Variants in ETV1 observed in about 807,000 individuals in gnomAD.
ETV1 encodes the protein ETS variant transcription factor 1.
ETV1 carries 27 observed loss-of-function variants against 62.3 expected under a neutral mutation model. The observed-to-expected ratio is 0.43, with a 90% CI of 0.32 to 0.60. The LOEUF (loss-of-function observed/expected upper bound fraction) is 0.60, where lower values mean the gene tolerates loss of function less well. Among genes scored for constraint, ETV1 ranks in the 20% least tolerant of loss-of-function variants. The pLI is 0.06. For missense variants in ETV1, 605 were observed against 605.8 expected (o/e 1.00, Z 0.01); for synonymous variants, 222 against 199.6 (o/e 1.11, Z -0.94).
intron 5 of ETV1, among the ~76,000 whole-genome samples, chr7:13,983,202 C>A (rs76891774): frequency 5.3e-5 from 8 of 151,904 alleles, no homozygotes; most frequent in Non-Finnish European, 1.2e-4. Flanking sequence ...TGAAAGTGAA[C>A]CTGAAAGAAC....
intron 7 of ETV1, among the ~76,000 whole-genome samples, chr7:13,936,393 A>G (rs1253690341): frequency 6.6e-6 from 1 of 152,190 alleles, no homozygotes; most frequent in Non-Finnish European, 1.5e-5. Flanking sequence ...CAATGCTTTT[A>G]CTTTATTTTC....
chr7:13,896,387 G>A (rs955533383), intron 13 of ETV1, among the ~76,000 whole-genome samples: 12 of 152,014 alleles, frequency 7.9e-5, no homozygotes, highest in South Asian at 2.1e-4. Context: ...AACTTACATC[G>A]TTGTTTTGAA....
intron 9 of ETV1, among the ~76,000 whole-genome samples, chr7:13,922,086 A>G (rs1562619194): frequency 6.6e-6 from 1 of 152,182 alleles, no homozygotes; most frequent in Non-Finnish European, 1.5e-5. Flanking sequence ...TATAATTATT[A>G]GGGGCTGGAT....
intron 6 of ETV1, among the ~76,000 whole-genome samples, chr7:13,953,510 T>C (rs759142676): frequency 6.6e-6 from 1 of 152,114 alleles, no homozygotes; most frequent in Admixed American, 6.5e-5. Context: ...CGTAGCTGAG[T>C]AGGAGCTGGA....
intron 12 of ETV1, among the ~76,000 whole-genome samples, chr7:13,902,296 A>G (rs990726132): frequency 6.6e-6 from 1 of 151,762 alleles, no homozygotes; most frequent in Admixed American, 6.6e-5. Context: ...AGAAATACCG[A>G]TCCTAGCTAT....
intron 6 of ETV1, among the ~76,000 whole-genome samples, chr7:13,941,016 A>AGTGT (rs143662053): frequency 6.6e-6 from 1 of 152,014 alleles, no homozygotes; most frequent in Non-Finnish European, 1.5e-5. Flanking sequence ...TTTTTAATGT[A>AGTGT]GTGTGTGTGT....
At chr7:13,909,728 T>C in intron 10 of ETV1, 28 bp from the exon 11 acceptor site, 1 of 1,569,354 alleles carries the variant, frequency 6.4e-7, no homozygotes, top group Non-Finnish European at 8.8e-7. Flanking sequence ...ATACATTTAT[T>C]CATGATAGAA....
chr7:13,915,836 C>CAT (rs1784097106), intron 9 of ETV1, among the ~76,000 whole-genome samples: 1 of 152,016 alleles, frequency 6.6e-6, no homozygotes. Flanking sequence ...AAAATAAGGA[C>CAT]ATATATATCT....
At chr7:13,945,443 ATT>A (rs77650876) in intron 6 of ETV1, among the ~76,000 whole-genome samples, 97 of 148,388 alleles carry the variant, frequency 6.5e-4, no homozygotes, top group Middle Eastern at 3.5e-3. Context: ...CTTGAAACTG[ATT>A]TTTTTTTTTT....
intron 9 of ETV1, among the ~76,000 whole-genome samples, chr7:13,915,558 A>T (rs1158319275): frequency 1.3e-5 from 2 of 152,138 alleles, no homozygotes; most frequent in Admixed American, 1.3e-4. Flanking sequence ...TGGTAAGCTC[A>T]TAGTTTATGT....
At chr7:13,899,697 T>A (rs755179003) in intron 13 of ETV1, among the ~76,000 whole-genome samples, 30 of 152,254 alleles carry the variant, frequency 2.0e-4, no homozygotes, top group Non-Finnish European at 4.4e-4. Flanking sequence ...ATTAGATTTC[T>A]GTACACTTGC....
chr7:13,947,004 T>G (rs954044056), intron 6 of ETV1, among the ~76,000 whole-genome samples: 1 of 152,150 alleles, frequency 6.6e-6, no homozygotes, highest in Non-Finnish European at 1.5e-5. Context: ...TTGGCCAGGC[T>G]GGTCTCAAAC....
Position 13,892,509 on chromosome 7 carries a change from TAC to T in ETV1, c.*3355_*3356del, listed in dbSNP as rs1316791438. ...TGAGTAAATCAATTAGAGTCTTTGCTACACAGTCTTCCTCCTCCGTGCGGTGT... is the reference window on the plus strand; with the variant it reads ...TGAGTAAATCAATTAGAGTCTTTGCTACAGTCTTCCTCCTCCGTGCGGTGT... On this transcript the variant is annotated 3_prime_UTR_variant, in exon 14 of 14. Transcript: ENST00000430479. The T allele has an allele frequency of 4.3e-6, 1 of 233,054 alleles. No individual in the cohort carries two copies. Among genetic ancestry groups the T allele is most frequent in the East Asian group, 6.0e-5 (1 of 16,532 alleles). 14.4% of individuals were successfully genotyped at this position (233,054 alleles called of 1,614,324 possible).
At chr7:13,973,274 CA>C (rs1781083103) in intron 6 of ETV1, among the ~76,000 whole-genome samples, 2 of 152,262 alleles carry the variant, frequency 1.3e-5, no homozygotes, top group Admixed American at 1.3e-4. Flanking sequence ...TTGAGGTATG[CA>C]AGGAAACCTG....
At chr7:13,930,603 G>A (rs559898395) in intron 9 of ETV1, among the ~76,000 whole-genome samples, 5 of 151,970 alleles carry the variant, frequency 3.3e-5, no homozygotes, top group Admixed American at 6.6e-5. Flanking sequence ...TTACAGGCGT[G>A]AGCCACCAGA....
intron 2 of ETV1, 64 bp downstream of exon 2, chr7:13,989,204 A>T (rs1476148013): frequency 1.5e-6 from 1 of 647,552 alleles, no homozygotes; most frequent in Admixed American, 2.9e-5. Context: ...TTGAATTTGC[A>T]TAGCTAATTA....
chr7:13,911,620 G>C (rs1047189286), intron 9 of ETV1, among the ~76,000 whole-genome samples: 1 of 152,152 alleles, frequency 6.6e-6, no homozygotes, highest in Non-Finnish European at 1.5e-5. Flanking sequence ...AGGGTCACAA[G>C]TTTTAAATAT....
intron 9 of ETV1, among the ~76,000 whole-genome samples, chr7:13,930,693 G>A (rs182440879): frequency 2.2e-4 from 33 of 152,150 alleles, no homozygotes; most frequent in African/African-American, 7.5e-4. Context: ...CTACTTTCTA[G>A]CTCACAGAGA....
chr7:13,957,146 C>T (rs1160639549), intron 6 of ETV1, among the ~76,000 whole-genome samples: 4 of 151,828 alleles, frequency 2.6e-5, no homozygotes, highest in Non-Finnish European at 5.9e-5. Flanking sequence ...AGTGCAGTGG[C>T]GCGATCTCAG....
Sources: allele counts gnomAD v4.1 joint callset (sites outside exome capture counted in the v4.1 genomes callset), GRCh38; gene constraint gnomAD v4.1.1; transcripts MANE v1.5; gene names NCBI Gene and HGNC (gene_info 2026-07-23, HGNC 2026-07-21).